ROR1: variants seen among roughly 807,000 people sequenced by gnomAD.
ROR1 encodes the protein ROR family WNT receptor 1.
ROR1 carries 19 observed loss-of-function variants against 78.8 expected under a neutral mutation model. The ratio of observed to expected loss-of-function variants is 0.24; its 90% CI spans 0.17 to 0.35. The LOEUF (loss-of-function observed/expected upper bound fraction) is 0.35, where lower values mean the gene tolerates loss of function less well. ROR1 is among the 10% of genes least tolerant of loss of function. The pLI is 1.00. For synonymous variants in ROR1, 386 were observed against 433.6 expected (o/e 0.89, Z 1.36); for missense variants, 917 against 1,177.8 (o/e 0.78, Z 3.24).
At chr1:63,866,677 A>T (rs1645217306) in intron 1 of ROR1, among the ~76,000 whole-genome samples, 1 of 152,142 alleles carries the variant, frequency 6.6e-6, no homozygotes, top group Non-Finnish European at 1.5e-5. Flanking sequence ...AAAAAAAAGT[A>T]TCTTTCATTA....
At chr1:63,883,338 C>T (rs1479135562) in intron 1 of ROR1, among the ~76,000 whole-genome samples, 1 of 152,140 alleles carries the variant, frequency 6.6e-6, no homozygotes, top group Non-Finnish European at 1.5e-5. Flanking sequence ...GGTTTCTTGA[C>T]TTGCTGTGAT....
At chr1:63,928,337 A>G (rs144674474) in intron 1 of ROR1, among the ~76,000 whole-genome samples, 73 of 152,294 alleles carry the variant, frequency 4.8e-4, no homozygotes, top group African/African-American at 1.4e-3. Flanking sequence ...GCCATCCAGA[A>G]AAGTTGGTGG....
chr1:64,086,926 T>A (rs2100639089), intron 4 of ROR1, among the ~76,000 whole-genome samples: 1 of 152,320 alleles, frequency 6.6e-6, no homozygotes, highest in Admixed American at 6.5e-5. Flanking sequence ...GCTGAGAAAC[T>A]TGCCCGAGTT....
chr1:64,137,474 G>A lies in ROR1; in HGVS notation c.588G>A (p.Gly196=), dbSNP rs1413356896. The A allele has an allele frequency of 6.2e-7, 1 of 1,613,056 alleles. No individual in the cohort carries two copies. Among genetic ancestry groups the A allele is most frequent in the Admixed American group, 1.7e-5 (1 of 59,924 alleles). ...TVYMESLHMQ[G]EIENQITAAF... is the part of the protein sequence containing the mutation. ...ATATGGAGTCTTTGCACATGCAAGG[G>A]GAAATAGAAAATCAGATCACAGGTA... Residue 196 remains glycine (G), a synonymous_variant, in exon 5 of 9, where the codon GGG becomes GGA. Transcript: ENST00000371079.
intron 2 of ROR1, among the ~76,000 whole-genome samples, chr1:64,041,043 A>G (rs1646741980): frequency 6.6e-6 from 1 of 152,204 alleles, no homozygotes; most frequent in African/African-American, 2.4e-5. Flanking sequence ...GTTCTTAATG[A>G]CAGTATGTTA....
At chr1:63,836,538 G>T (rs1645019733) in intron 1 of ROR1, among the ~76,000 whole-genome samples, 1 of 152,148 alleles carries the variant, frequency 6.6e-6, no homozygotes, top group African/African-American at 2.4e-5. Context: ...GCCTCTGCAG[G>T]TAGCCCAAGA....
chr1:64,063,859 C>T (rs116751929), intron 4 of ROR1, among the ~76,000 whole-genome samples: 284 of 152,282 alleles, frequency 1.9e-3, no homozygotes, highest in Middle Eastern at 3.4e-3. Context: ...TTTATCAAAT[C>T]ACCCCAAGTG....
intron 8 of ROR1, among the ~76,000 whole-genome samples, chr1:64,174,469 A>G (rs1047614388): frequency 1.3e-5 from 2 of 152,212 alleles, no homozygotes; most frequent in African/African-American, 2.4e-5. Context: ...GAATTATGCC[A>G]TACTGCCTAT....
intron 1 of ROR1, among the ~76,000 whole-genome samples, chr1:63,779,859 G>C (rs998401297): frequency 2.0e-5 from 3 of 151,950 alleles, no homozygotes; most frequent in Admixed American, 2.0e-4. Context: ...ACATCCATAG[G>C]ACCTGAGTCT....
intron 1 of ROR1, among the ~76,000 whole-genome samples, chr1:63,824,513 G>C (rs1240936575): frequency 6.6e-6 from 1 of 152,138 alleles, no homozygotes; most frequent in East Asian, 1.9e-4. Context: ...TTGGCCTGGG[G>C]TTTGCAGTTT....
intron 1 of ROR1, among the ~76,000 whole-genome samples, chr1:63,806,314 CTATT>C (rs1644828267): frequency 7.6e-6 from 1 of 131,344 alleles, no homozygotes; most frequent in East Asian, 2.0e-4. Context: ...GACTGTCAGA[CTATT>C]TTTTTTTTTT....
At chr1:64,072,603 C>T (rs1166955856) in intron 4 of ROR1, among the ~76,000 whole-genome samples, 1 of 152,150 alleles carries the variant, frequency 6.6e-6, no homozygotes, top group Admixed American at 6.5e-5. Flanking sequence ...GACCTCAAAG[C>T]CTGTTGTTGA....
chr1:63,910,094 G>A (rs1645559094), intron 1 of ROR1, among the ~76,000 whole-genome samples: 1 of 151,962 alleles, frequency 6.6e-6, no homozygotes. Context: ...GTATTCACGG[G>A]GCTTTCTTTT....
intron 1 of ROR1, among the ~76,000 whole-genome samples, chr1:63,851,588 A>G (rs1454480393): frequency 1.3e-5 from 2 of 152,234 alleles, no homozygotes; most frequent in Admixed American, 6.5e-5. Context: ...AAAAATTACA[A>G]TGAATAGACT....
At chr1:64,161,673 C>G (rs1649948837) in intron 8 of ROR1, among the ~76,000 whole-genome samples, 1 of 152,172 alleles carries the variant, frequency 6.6e-6, no homozygotes, top group Admixed American at 6.5e-5. Flanking sequence ...TGAGGTGTGC[C>G]TTGCTAAATC....
chr1:64,059,300 T>G (rs1390093059), intron 4 of ROR1, among the ~76,000 whole-genome samples: 6 of 152,208 alleles, frequency 3.9e-5, no homozygotes, highest in Admixed American at 3.3e-4. Flanking sequence ...GTGACAACTG[T>G]GGAAATCAGA....
At chr1:63,949,535 T>C (rs1172716802) in intron 1 of ROR1, among the ~76,000 whole-genome samples, 2 of 152,206 alleles carry the variant, frequency 1.3e-5, no homozygotes, top group Admixed American at 1.3e-4. Flanking sequence ...CTTAGAGTGT[T>C]CCAGCAGCTT....
intron 4 of ROR1, among the ~76,000 whole-genome samples, chr1:64,093,009 G>A (rs1647215297): frequency 6.6e-6 from 1 of 152,182 alleles, no homozygotes; most frequent in Admixed American, 6.5e-5. Flanking sequence ...TAGTAAGGGT[G>A]ACCACTTAGG....
intron 2 of ROR1, among the ~76,000 whole-genome samples, chr1:64,034,569 C>G (rs1646686304): frequency 6.6e-6 from 1 of 152,134 alleles, no homozygotes; most frequent in Admixed American, 6.6e-5. Flanking sequence ...CACTCATCTG[C>G]ATTCTCTTTC....
Sources: gnomAD v4.1 joint callset for allele counts (sites outside exome capture counted in the v4.1 genomes callset) on GRCh38, gnomAD v4.1.1 for gene constraint, MANE v1.5 for transcripts, NCBI Gene and HGNC (gene_info 2026-07-23, HGNC 2026-07-21) for gene names.